CLMN: variants seen among roughly 807,000 people sequenced by gnomAD.
CLMN encodes calmin (calponin-like, transmembrane).
A neutral mutation model predicts 92.7 loss-of-function variants in CLMN; 57 were observed. The observed-to-expected ratio is 0.61, with a 90% CI of 0.50 to 0.77. CLMN has a LOEUF of 0.77. Among genes scored for constraint, CLMN ranks in the 30% least tolerant of loss-of-function variants. The probability of loss-of-function intolerance (pLI) is 0.00; values close to 1 mark genes in which losing one functional copy is unlikely to be tolerated. For missense variants in CLMN, 1,158 were observed against 1,237.5 expected, an observed-to-expected ratio of 0.94 and a Z score of 0.96; for synonymous variants, 466 against 470.6, an observed-to-expected ratio of 0.99 and a Z score of 0.13.
intron 1 of CLMN, among the ~76,000 whole-genome samples, chr14:95,236,111 C>T (rs575872512): frequency 4.6e-5 from 7 of 152,248 alleles, no homozygotes; most frequent in African/African-American, 7.2e-5. Flanking sequence ...TTCTGTAAGC[C>T]TCAAACATTC....
At chr14:95,234,466 C>A (rs1322759790) in intron 1 of CLMN, among the ~76,000 whole-genome samples, 1 of 152,116 alleles carries the variant, frequency 6.6e-6, no homozygotes, top group African/African-American at 2.4e-5. Flanking sequence ...CCCCTTTTTT[C>A]CTATCACATT....
At chr14:95,304,322 G>A (rs559138731) in intron 1 of CLMN, among the ~76,000 whole-genome samples, 23 of 151,266 alleles carry the variant, frequency 1.5e-4, no homozygotes, top group Non-Finnish European at 2.4e-4. Flanking sequence ...CAGCCTGGGC[G>A]ACAGAGAGAA....
intron 7 of CLMN, among the ~76,000 whole-genome samples, chr14:95,210,135 T>C (rs1763737): frequency 0.28 from 42,153 of 151,872 alleles, 7,273 homozygotes; most frequent in African/African-American, 0.46. Context: ...TCACTGCAAC[T>C]TCCACCTCCC....
intron 1 of CLMN, among the ~76,000 whole-genome samples, chr14:95,289,506 T>TAAAC (rs765758306): frequency 0.18 from 12,122 of 65,678 alleles, 594 homozygotes; most frequent in Non-Finnish European, 0.22. Context: ...AATAAATAAA[T>TAAAC]AAACAAACAA....
At position 95,203,688 on chromosome 14, in the gene CLMN, T is replaced by C. The variant is rs776443189; in HGVS notation, c.1661A>G (p.Asp554Gly). 2 of 1,614,160 alleles carry C rather than the reference T, an allele frequency of 1.2e-6. No individual in the cohort carries two copies. The highest frequency in any genetic ancestry group is 2.2e-5 in the South Asian group (2 of 91,082). Reference sequence around the variant, plus strand: ...TTTTAATGGGATGGCTTCAAAATAGTCTCCCTCCTCTAAAGCTTCTACAGT... The same window carrying C: ...TTTTAATGGGATGGCTTCAAAATAGCCTCCCTCCTCTAAAGCTTCTACAGT... ...LMTVEALEEG[D>G]YFEAIPLKAS... The change falls in exon 9 of 13, where the codon GAC (aspartate) becomes GGC (glycine). Residue 554 changes from aspartate (D) to glycine (G), a missense_variant. Transcript: ENST00000298912.
chr14:95,218,359 G>A (rs1206026414), intron 4 of CLMN, among the ~76,000 whole-genome samples: 1 of 152,200 alleles, frequency 6.6e-6, no homozygotes, highest in Non-Finnish European at 1.5e-5. Context: ...CATAGAGCTG[G>A]TCCTGTGGGG....
At chr14:95,197,947 T>C (rs1415145941) in intron 9 of CLMN, among the ~76,000 whole-genome samples, 1 of 151,672 alleles carries the variant, frequency 6.6e-6, no homozygotes, top group East Asian at 1.9e-4. Flanking sequence ...TTTTGAAAGA[T>C]GAAACAAGCA....
intron 1 of CLMN, among the ~76,000 whole-genome samples, chr14:95,292,428 T>C (rs1178167977): frequency 5.1e-4 from 38 of 74,088 alleles, no homozygotes; most frequent in African/African-American, 5.1e-4. Flanking sequence ...CCCCCAAGGG[T>C]CCCCCACCCC....
rs751331490 is a variant in CLMN at position 95,213,434 on chromosome 14, C to A, written c.418-25G>T. ...TCTGGAAGGAAAATGGCATTTCAGA[C>A]CCCAGCAACAGACCCACCCTCTCAG... On this transcript the variant is annotated intron_variant, in intron 5 of 12. Coordinates refer to ENST00000298912, the MANE Select transcript of CLMN (RefSeq NM_024734.4). 5 of 1,584,884 alleles carry A rather than the reference C, an allele frequency of 3.2e-6. No homozygotes were observed. The African/African-American group carries it at 6.8e-5, about 22-fold the overall frequency.
intron 1 of CLMN, among the ~76,000 whole-genome samples, chr14:95,287,594 A>C (rs963887553): frequency 6.6e-6 from 1 of 152,196 alleles, no homozygotes; most frequent in Non-Finnish European, 1.5e-5. Flanking sequence ...CAGTAGGCTG[A>C]GGTGGAGCCT....
Position 95,319,735 on chromosome 14 carries a change from C to A in CLMN, c.58G>T (p.Asp20Tyr). 6.3e-7 allele frequency: 1 copy of A among 1,598,860 alleles called. No homozygotes were observed. Among genetic ancestry groups the A allele is most frequent in the Non-Finnish European group, 8.5e-7 (1 of 1,176,568 alleles). ...QREELIGQIS[D>Y]IRVQNLQVER... ...CCTTGCAGGTTCTGCACTCGGATGT[C>A]GCTAATCTGCCCGATGAGCTCCTCG... is the stretch of plus-strand genomic sequence containing the variant. Residue 20 changes from aspartate (D) to tyrosine (Y), a missense_variant, in exon 1 of 13, where the codon GAC becomes TAC. Coordinates refer to ENST00000298912, the MANE Select transcript of CLMN (RefSeq NM_024734.4).
intron 1 of CLMN, among the ~76,000 whole-genome samples, chr14:95,253,199 G>A (rs747336768): frequency 5.5e-4 from 83 of 152,164 alleles, no homozygotes; most frequent in Non-Finnish European, 9.8e-4. Flanking sequence ...AAGGAACTGA[G>A]GAAGGAAGCT....
At chr14:95,317,659 C>T (rs150709907) in intron 1 of CLMN, among the ~76,000 whole-genome samples, 2 of 151,172 alleles carry the variant, frequency 1.3e-5, no homozygotes, top group African/African-American at 4.9e-5. Flanking sequence ...CAGGTTCTAG[C>T]GGCAAAACTA....
chr14:95,283,225 G>A (rs1900208045), intron 1 of CLMN, among the ~76,000 whole-genome samples: 1 of 152,182 alleles, frequency 6.6e-6, no homozygotes, highest in Non-Finnish European at 1.5e-5. Context: ...AGGGGTTTTT[G>A]CTTTTGCTTC....
Position 95,245,223 on chromosome 14 carries a change from TATTATATATATATATTA to T in CLMN, c.83-15107_83-15091del, listed in dbSNP as rs1566891110. On this transcript the variant is annotated intron_variant, in intron 1 of 12. Coordinates refer to ENST00000298912, the MANE Select transcript of CLMN (RefSeq NM_024734.4). ...TATATATATATTATATATATATATA[TATTATATATATATATTA>T]TATATATATATATAATATATATATA... Among the ~76,000 whole-genome samples the T allele has an allele frequency of 9.7e-4, 33 of 33,900 alleles. 2 individuals carry two copies. Among genetic ancestry groups the T allele is most frequent in the African/African-American group, 5.8e-3 (32 of 5,524 alleles). 22.2% of individuals were successfully genotyped at this position (33,900 alleles called of 152,430 possible).
chr14:95,203,884 C>A lies in CLMN; in HGVS notation c.1465G>T (p.Val489Phe), dbSNP rs116654567. 4,699 of 1,614,146 alleles carry A rather than the reference C, an allele frequency of 2.9e-3. 132 individuals carry two copies. The African/African-American group carries it at 0.055, about 19-fold the overall frequency. ...SKIPESSSDK[V>F]AGDIFLVEGT... ...TCCACCAAAAAAATGTCACCAGCGA[C>A]CTTGTCAGAGGAGGATTCTGGAATC... Residue 489 changes from valine to phenylalanine, a missense_variant, in exon 9 of 13, where the codon GTC becomes TTC. Val to Phe is a conservative substitution (Grantham distance 50). Coordinates refer to ENST00000298912, the MANE Select transcript of CLMN (RefSeq NM_024734.4).
intron 1 of CLMN, among the ~76,000 whole-genome samples, chr14:95,239,034 T>TA (rs1595610181): frequency 6.6e-6 from 1 of 152,338 alleles, no homozygotes; most frequent in East Asian, 1.9e-4. Flanking sequence ...ACCTCAGTGC[T>TA]AAACCTCAGC....
chr14:95,284,803 G>C (rs970982997), intron 1 of CLMN, among the ~76,000 whole-genome samples: 1 of 152,174 alleles, frequency 6.6e-6, no homozygotes, highest in African/African-American at 2.4e-5. Context: ...GATTTGCCTT[G>C]TCTCAGATAA....
rs1896511053 is a variant in CLMN, at chr14:95,189,394, T to G, written c.*2170A>C. ...TTACAAGCAATGGGGTGGTTTGTCC[T>G]GCAGACTTCCACATCCATTTTCTAT... On this transcript the variant is annotated 3_prime_UTR_variant, in exon 13 of 13. Coordinates refer to ENST00000298912, the MANE Select transcript of CLMN (RefSeq NM_024734.4). 1 of 152,238 alleles carries G rather than the reference T, an allele frequency of 6.6e-6. No individual in the cohort carries two copies. The highest frequency in any genetic ancestry group is 2.4e-5 in the African/African-American group (1 of 41,468). The allele number at this position is 152,238 out of a possible 1,614,324, so 9.4% of individuals were successfully genotyped here. A position where few individuals can be genotyped will look rare whatever the true frequency, so the allele number is the denominator to read the frequency against.
Sources: gnomAD v4.1 joint callset for allele counts (sites outside exome capture counted in the v4.1 genomes callset) on GRCh38, gnomAD v4.1.1 for gene constraint, MANE v1.5 for transcripts, NCBI Gene and HGNC (gene_info 2026-07-23, HGNC 2026-07-21) for gene names.